Variants in DOCK7 observed in about 807,000 individuals in gnomAD.
DOCK7 encodes the protein dedicator of cytokinesis 7.
A neutral mutation model predicts 271.0 loss-of-function variants in DOCK7; 138 were observed. The observed-to-expected ratio is 0.51, with a 90% CI of 0.44 to 0.59. The LOEUF is 0.59. Ranked by LOEUF, DOCK7 falls within the 20% of genes least tolerant of loss-of-function variation. The probability of loss-of-function intolerance (pLI) is 0.00; values close to 1 mark genes in which losing one functional copy is unlikely to be tolerated. For synonymous variants in DOCK7, 823 were observed against 876.1 expected (o/e 0.94, Z 1.07); for missense variants, 2,066 against 2,592.4 (o/e 0.80, Z 4.41).
chr1:62,502,086 T>C (rs1398956901), intron 37 of DOCK7, among the ~76,000 whole-genome samples: 1 of 152,120 alleles, frequency 6.6e-6, no homozygotes, highest in African/African-American at 2.4e-5. Context: ...ATTTGCTTGA[T>C]AGAAGGAAAT....
chr1:62,476,177 C>T (rs1205772684), intron 44 of DOCK7, 21 bp from the exon 45 acceptor site: 2 of 1,596,996 alleles, frequency 1.3e-6, no homozygotes, highest in South Asian at 1.1e-5. Flanking sequence ...GAAAAAGAAA[C>T]ATTTTATATG....
intron 1 of DOCK7, among the ~76,000 whole-genome samples, chr1:62,682,047 G>GAA (rs200210698): frequency 7.4e-6 from 1 of 135,426 alleles, no homozygotes. Flanking sequence ...GTATCTAAAA[G>GAA]AAAAAAAAAA....
In DOCK7 at chr1:62,496,515, T is replaced by A. The variant is rs1298412864; in HGVS notation, c.4765-18A>T. 1 of 1,607,606 alleles carries A rather than the reference T, an allele frequency of 6.2e-7. No individual in the cohort carries two copies. Among genetic ancestry groups the A allele is most frequent in the African/African-American group, 1.3e-5 (1 of 74,586 alleles). The stretch of plus-strand genomic sequence containing the variant: ...GCAAAGTTCTGTAACAGAGAAATTG[T>A]CCAGTCAATACTTAATATAGAAAAG... On this transcript the variant is annotated intron_variant, in intron 37 of 49. Transcript: ENST00000635253.
At chr1:62,477,672 A>T in intron 44 of DOCK7, 28 bp downstream of exon 44, 1 of 1,558,292 alleles carries the variant, frequency 6.4e-7, no homozygotes, top group Non-Finnish European at 8.7e-7. Flanking sequence ...ACTAAAGATG[A>T]CATTTTATGA....
intron 14 of DOCK7, chr1:62,605,029 T>C (rs1650770668): frequency 2.0e-6 from 1 of 507,136 alleles, no homozygotes; most frequent in East Asian, 3.5e-5. Context: ...TAATACTATT[T>C]GTTTTAAATT....
At chr1:62,682,033 G>A (rs1661224848) in intron 1 of DOCK7, among the ~76,000 whole-genome samples, 1 of 150,120 alleles carries the variant, frequency 6.7e-6, no homozygotes, top group Non-Finnish European at 1.5e-5. Context: ...AGAAAAGGAA[G>A]AATGTATCTA....
rs573812877 is a variant in DOCK7 at position 62,552,913 on chromosome 1, T to C, written c.2597-12A>G. On this transcript the variant is annotated splice_polypyrimidine_tract_variant and intron_variant, in intron 21 of 49. Transcript: ENST00000635253. ...CAAACCCCCAGGACCTAGAGTTGTA[T>C]ATGAAATAGCACATAATTAAAGAAA... 6.4e-7 allele frequency: 1 copy of C among 1,554,962 alleles called. No homozygotes were observed. Among genetic ancestry groups the C allele is most frequent in the Admixed American group, 1.8e-5 (1 of 55,130 alleles).
intron 36 of DOCK7, 97 bp downstream of exon 36, chr1:62,505,585 T>C (rs1388077450): frequency 2.4e-6 from 3 of 1,247,554 alleles, no homozygotes; most frequent in African/African-American, 1.5e-5. Flanking sequence ...ATTAATATAT[T>C]ACTACATATA....
At chr1:62,618,897 A>T in intron 13 of DOCK7, 29 bp from the exon 14 acceptor site, 1 of 1,590,494 alleles carries the variant, frequency 6.3e-7, no homozygotes, top group South Asian at 1.1e-5. Context: ...AAAACAATGT[A>T]AAGACAATAA....
At chr1:62,569,712 T>TCCCCCCCCCCCCCCC (rs759891951) in intron 18 of DOCK7, among the ~76,000 whole-genome samples, 1 of 57,280 alleles carries the variant, frequency 1.7e-5, no homozygotes, top group Non-Finnish European at 3.4e-5. Flanking sequence ...CTCTCCCCCC[T>TCCCCCCCCCCCCCCC]CCCCCCCCCC....
intron 14 of DOCK7, chr1:62,606,295 C>T (rs1371705984): frequency 6.6e-6 from 1 of 150,654 alleles, no homozygotes; most frequent in African/African-American, 2.4e-5. Flanking sequence ...ATATGAGTTG[C>T]TTCCTCTATT....
chr1:62,623,974 C>A (rs1653606894), intron 12 of DOCK7, among the ~76,000 whole-genome samples: 1 of 152,122 alleles, frequency 6.6e-6, no homozygotes, highest in African/African-American at 2.4e-5. Flanking sequence ...GCCAGGATTT[C>A]CTCTTCTTAC....
intron 14 of DOCK7, among the ~76,000 whole-genome samples, chr1:62,616,622 G>A (rs181479778): frequency 1.5e-4 from 23 of 151,854 alleles, no homozygotes; most frequent in Admixed American, 8.5e-4. Flanking sequence ...TCAGCCTTCT[G>A]TCAGTAGAGA....
At chr1:62,532,946 C>T (rs1367932827) in intron 29 of DOCK7, among the ~76,000 whole-genome samples, 1 of 152,170 alleles carries the variant, frequency 6.6e-6, no homozygotes, top group African/African-American at 2.4e-5. Context: ...ATATGCAAGA[C>T]TATCTTGCAG....
chr1:62,521,747 G>A (rs1484943128), intron 31 of DOCK7, among the ~76,000 whole-genome samples: 4 of 152,076 alleles, frequency 2.6e-5, no homozygotes, highest in Admixed American at 6.6e-5. Flanking sequence ...AGACTGAGGC[G>A]GGGGGATCAC....
At chr1:62,543,607 T>C (rs201366997) in intron 24 of DOCK7, 49 bp downstream of exon 24, 14 of 1,365,032 alleles carry the variant, frequency 1.0e-5, no homozygotes, top group South Asian at 3.7e-5. Context: ...ATCTATTTAA[T>C]TGGTGAAATT....
chr1:62,604,212 T>TC, intron 14 of DOCK7: 1 of 1,613,354 alleles, frequency 6.2e-7, no homozygotes, highest in Non-Finnish European at 8.5e-7. Flanking sequence ...AAAGGACACT[T>TC]CAACTGTCCA....
At chr1:62,547,452 T>C (rs1645748863) in intron 22 of DOCK7, among the ~76,000 whole-genome samples, 1 of 152,200 alleles carries the variant, frequency 6.6e-6, no homozygotes, top group Non-Finnish European at 1.5e-5. Flanking sequence ...TATTGATTTC[T>C]TCCCTTACAT....
intron 14 of DOCK7, chr1:62,598,121 A>G: frequency 6.9e-7 from 1 of 1,456,874 alleles, no homozygotes; most frequent in Non-Finnish European, 9.2e-7. Flanking sequence ...TTTAAAAAAA[A>G]TATTTCTAAG....
Sources: gnomAD v4.1 joint callset for allele counts (sites outside exome capture counted in the v4.1 genomes callset) on GRCh38, gnomAD v4.1.1 for gene constraint, MANE v1.5 for transcripts, NCBI Gene and HGNC (gene_info 2026-07-23, HGNC 2026-07-21) for gene names.